The following ZNF613 variants were observed in gnomAD, a reference collection of about 807,000 sequenced individuals.
The protein encoded by ZNF613 is zinc finger protein 613.
ZNF613 carries 8 observed loss-of-function variants against 14.3 expected under a neutral mutation model. That is an observed-to-expected ratio of 0.56 (90% CI 0.33 to 1.01). The LOEUF (loss-of-function observed/expected upper bound fraction) is 1.01, where lower values mean the gene tolerates loss of function less well. Among genes scored for constraint, ZNF613 ranks in the 50% least tolerant of loss-of-function variants. The pLI, the probability that ZNF613 is intolerant of heterozygous loss-of-function variation, is 0.03. For synonymous variants in ZNF613, 228 were observed against 254.5 expected, an observed-to-expected ratio of 0.90 and a Z score of 0.99; for missense variants, 656 against 741.9, an observed-to-expected ratio of 0.88 and a Z score of 1.35.
In ZNF613 at chr19:51,936,212, C is replaced by T. The variant is rs532876333; in HGVS notation, c.-9C>T. 13 of 1,603,390 alleles carry T rather than the reference C, an allele frequency of 8.1e-6. No individual in the cohort carries two copies. The Middle Eastern group carries it at 5.0e-4, about 61-fold the overall frequency. On this transcript the variant is annotated 5_prime_UTR_variant, in exon 3 of 6. Coordinates refer to ENST00000293471, the MANE Select transcript of ZNF613 (RefSeq NM_001031721.4). ...CTACTTACTGGCTATTTCCCAGTAA[C>T]AAAAGAAAATGATCAAGTCCCAGGT...
chr19:51,946,544 T>C lies in ZNF613; in HGVS notation c.*807T>C, dbSNP rs1390309562. On this transcript the variant is annotated 3_prime_UTR_variant, in exon 6 of 6. Transcript: ENST00000293471. ...AGGAAAAATGTATTTAATTTAATAA[T>C]GTAACACAACAAGTTTGGATGTGTT... 6.6e-6 allele frequency: 1 copy of C among 152,114 alleles called. No homozygotes were observed. The highest frequency in any genetic ancestry group is 1.5e-5 in the Non-Finnish European group (1 of 68,038). 9.4% of individuals were successfully genotyped at this position (152,114 alleles called of 1,614,324 possible). A position where few individuals can be genotyped will look rare whatever the true frequency, so the allele number is the denominator to read the frequency against.
At position 51,944,914 on chromosome 19, in the gene ZNF613, A is replaced by G. The variant is rs761995476; in HGVS notation, c.1031A>G (p.Tyr344Cys). The change falls in exon 6 of 6, where the codon TAT becomes TGT. Residue 344 changes from tyrosine (Y) to cysteine (C), a missense_variant. Tyr to Cys is a radical substitution (Grantham distance 194). Coordinates refer to ENST00000293471, the MANE Select transcript of ZNF613 (RefSeq NM_001031721.4). Reference protein sequence around the residue: ...HQRTHTGEKPYECTECDKAFR... With the variant: ...HQRTHTGEKPCECTECDKAFR... ...AGAACTCATACAGGAGAGAAACCCT[A>G]TGAATGCACTGAATGTGACAAAGCA... The G allele has an allele frequency of 1.2e-6, 2 of 1,613,970 alleles. No individual in the cohort carries two copies. The highest frequency in any genetic ancestry group is 1.3e-5 in the African/African-American group (1 of 74,864).
chr19:51,944,182 T>C lies in ZNF613; in HGVS notation c.299T>C (p.Val100Ala), dbSNP rs2085372867. The C allele has an allele frequency of 6.3e-7, 1 of 1,584,292 alleles. No individual in the cohort carries two copies. Among genetic ancestry groups the C allele is most frequent in the Non-Finnish European group, 8.6e-7 (1 of 1,164,450 alleles). Reference protein sequence around the residue: ...HSQKQRCLKRVEQCHKHNAFG... With the variant: ...HSQKQRCLKRAEQCHKHNAFG... Reference sequence around the variant, plus strand: ...CAAAAGCAAAGATGTCTGAAGAGAGTGGAACAATGCCATAAACATAATGCA... The same window carrying C: ...CAAAAGCAAAGATGTCTGAAGAGAGCGGAACAATGCCATAAACATAATGCA... The change falls in exon 6 of 6, where the codon GTG (valine) becomes GCG (alanine). Residue 100 changes from valine to alanine, a missense_variant. Coordinates refer to ENST00000293471, the MANE Select transcript of ZNF613 (RefSeq NM_001031721.4).
At chr19:51,935,283 C>G (rs979675174) in intron 2 of ZNF613, among the ~76,000 whole-genome samples, 2 of 152,182 alleles carry the variant, frequency 1.3e-5, no homozygotes, top group African/African-American at 4.8e-5. Flanking sequence ...TTCAGAAGGT[C>G]AGATTATATG....
At chr19:51,941,463 T>G (rs928290633) in intron 5 of ZNF613, among the ~76,000 whole-genome samples, 11 of 151,658 alleles carry the variant, frequency 7.3e-5, no homozygotes, top group African/African-American at 2.7e-4. Flanking sequence ...TAATGTTGAT[T>G]TTTTTTTTCC....
At chr19:51,929,092 C>A (rs1271433254) in intron 1 of ZNF613, among the ~76,000 whole-genome samples, 1 of 152,100 alleles carries the variant, frequency 6.6e-6, no homozygotes, top group African/African-American at 2.4e-5. Context: ...ATTTCAATTT[C>A]AGTTTTCTAT....
intron 5 of ZNF613, 62 bp downstream of exon 5, chr19:51,940,771 G>GACACTGCTGAACAA: frequency 7.0e-7 from 1 of 1,427,634 alleles, no homozygotes; most frequent in Non-Finnish European, 9.7e-7. Context: ...TAGTTGTTCA[G>GACACTGCTGAACAA]CAGTGTCTGA....
chr19:51,940,256 G>GT lies in ZNF613; in HGVS notation c.64dup (p.Trp22LeufsTer21). On this transcript the variant is annotated frameshift_variant, in exon 4 of 6. Transcript: ENST00000293471. LOFTEE classifies it high-confidence loss of function. ...TGGCTGTGGAGTTCACTTGGGAGGAGTGGCAGCTCCTCGGCCCTGCTCAGA... is the reference window on the plus strand; with the variant it reads ...TGGCTGTGGAGTTCACTTGGGAGGAGTTGGCAGCTCCTCGGCCCTGCTCAGA... 1 of 1,613,866 alleles carries GT rather than the reference G, an allele frequency of 6.2e-7. No homozygotes were observed. The highest frequency in any genetic ancestry group is 8.5e-7 in the Non-Finnish European group (1 of 1,179,868).
At chr19:51,943,872 C>T (rs1219534243) in intron 5 of ZNF613, among the ~76,000 whole-genome samples, 1 of 152,084 alleles carries the variant, frequency 6.6e-6, no homozygotes, top group East Asian at 1.9e-4. Context: ...GGCATGAGTC[C>T]GAGCAGGAAT....
chr19:51,931,368 A>G, intron 2 of ZNF613, among the ~76,000 whole-genome samples: 1 of 152,334 alleles, frequency 6.6e-6, no homozygotes, highest in South Asian at 2.1e-4. Flanking sequence ...AAAATCATCA[A>G]TCTGACTAAA....
At chr19:51,939,919 A>G (rs573044266) in intron 3 of ZNF613, among the ~76,000 whole-genome samples, 32 of 151,926 alleles carry the variant, frequency 2.1e-4, no homozygotes, top group Non-Finnish European at 3.7e-4. Context: ...TCAAAAAAAA[A>G]AAGAGGATTA....
At chr19:51,935,638 C>G (rs1252300301) in intron 2 of ZNF613, among the ~76,000 whole-genome samples, 1 of 152,174 alleles carries the variant, frequency 6.6e-6, no homozygotes, top group Non-Finnish European at 1.5e-5. Flanking sequence ...TGTATGATGA[C>G]TTTTGACCAG....
At chr19:51,931,251 T>G (rs1463188063) in intron 2 of ZNF613, among the ~76,000 whole-genome samples, 3 of 152,226 alleles carry the variant, frequency 2.0e-5, no homozygotes, top group Non-Finnish European at 4.4e-5. Context: ...TCTAGTAATA[T>G]CTCAAATGGA....
chr19:51,931,605 T>G (rs2085264750), intron 2 of ZNF613, among the ~76,000 whole-genome samples: 1 of 152,238 alleles, frequency 6.6e-6, no homozygotes, highest in Admixed American at 6.5e-5. Context: ...GAACTTTTTT[T>G]TCTTCATTCC....
In ZNF613 at chr19:51,940,642, A is replaced by G. The variant is rs8107894; in HGVS notation, c.168A>G (p.Ala56=). The part of the protein sequence containing the change: ...SVGYQASKPD[A]LFKLEQGEPW... Reference sequence around the variant, plus strand: ...GGTATCAAGCCAGCAAACCAGATGCACTCTTCAAGTTGGAACAAGGAGAGC... The same window carrying G: ...GGTATCAAGCCAGCAAACCAGATGCGCTCTTCAAGTTGGAACAAGGAGAGC... The change falls in exon 5 of 6, where the codon GCA becomes GCG. Residue 56 remains alanine (A), a synonymous_variant. Transcript: ENST00000293471. 4,280 of 1,613,344 alleles carry G rather than the reference A, an allele frequency of 2.7e-3. 103 individuals are homozygous for G. In the African/African-American group the frequency reaches 0.05, roughly 19 times the overall value.
intron 2 of ZNF613, among the ~76,000 whole-genome samples, chr19:51,935,643 G>A (rs2085300341): frequency 1.3e-5 from 2 of 152,134 alleles, no homozygotes; most frequent in Non-Finnish European, 1.5e-5. Context: ...GATGACTTTT[G>A]ACCAGGCATG....
At chr19:51,940,801 C>G in intron 5 of ZNF613, 92 bp downstream of exon 5, 1 of 1,010,740 alleles carries the variant, frequency 9.9e-7, no homozygotes, top group Non-Finnish European at 1.4e-6. Flanking sequence ...GCATCTGAGG[C>G]TGTGTGGACA....
chr19:51,942,457 G>A (rs180982000), intron 5 of ZNF613, among the ~76,000 whole-genome samples: 10 of 152,320 alleles, frequency 6.6e-5, no homozygotes, highest in African/African-American at 2.2e-4. Flanking sequence ...CCTTTGAGCA[G>A]CTGTATGACA....
intron 3 of ZNF613, among the ~76,000 whole-genome samples, chr19:51,938,591 G>T (rs1437532795): frequency 6.6e-6 from 1 of 152,074 alleles, no homozygotes; most frequent in Non-Finnish European, 1.5e-5. Context: ...GGAATGGGTT[G>T]TTGGGATCCA....
Sources: allele counts gnomAD v4.1 joint callset (sites outside exome capture counted in the v4.1 genomes callset), GRCh38; gene constraint gnomAD v4.1.1; transcripts MANE v1.5; gene names NCBI Gene and HGNC (gene_info 2026-07-23, HGNC 2026-07-21).